The following INPP5A variants were observed in gnomAD, a reference collection of about 807,000 sequenced individuals.
INPP5A encodes the protein inositol polyphosphate-5-phosphatase A.
A neutral mutation model predicts 65.2 loss-of-function variants in INPP5A; 14 were observed. The observed-to-expected ratio is 0.21, with a 90% CI of 0.14 to 0.34. The LOEUF (loss-of-function observed/expected upper bound fraction) is 0.34, where lower values mean the gene tolerates loss of function less well. INPP5A is among the 10% of genes least tolerant of loss of function. The pLI is 1.00. For missense variants in INPP5A, 431 were observed against 545.6 expected (o/e 0.79, Z 2.09); for synonymous variants, 207 against 208.3 (o/e 0.99, Z 0.05).
chr10:132,634,822 A>T (rs999083767), intron 2 of INPP5A, among the ~76,000 whole-genome samples: 1 of 152,188 alleles, frequency 6.6e-6, no homozygotes, highest in African/African-American at 2.4e-5. Context: ...CTCGGCCGGC[A>T]GCCCTGCCTG....
intron 2 of INPP5A, among the ~76,000 whole-genome samples, chr10:132,609,047 TC>T (rs907984751): frequency 4.6e-5 from 7 of 151,950 alleles, no homozygotes; most frequent in African/African-American, 1.7e-4. Flanking sequence ...GGCATCCAAG[TC>T]CCCCCATAGG....
intron 9 of INPP5A, among the ~76,000 whole-genome samples, chr10:132,736,239 A>G (rs1046983504): frequency 2.0e-5 from 3 of 152,212 alleles, no homozygotes; most frequent in Non-Finnish European, 2.9e-5. Context: ...CGCGGTGGCA[A>G]CTGGCAGCTG....
intron 1 of INPP5A, among the ~76,000 whole-genome samples, chr10:132,553,828 T>C (rs1425123267): frequency 6.5e-5 from 9 of 137,522 alleles, no homozygotes; most frequent in Non-Finnish European, 1.2e-4. Context: ...TTGGGTAGGA[T>C]AGGGAGGGAG....
chr10:132,722,158 C>T (rs1175138844), intron 8 of INPP5A, among the ~76,000 whole-genome samples: 1 of 152,220 alleles, frequency 6.6e-6, no homozygotes, highest in East Asian at 1.9e-4. Flanking sequence ...GTTGTTTGAT[C>T]AGAGAATGTG....
chr10:132,667,612 C>G (rs1415774379), intron 4 of INPP5A, among the ~76,000 whole-genome samples: 1 of 152,212 alleles, frequency 6.6e-6, no homozygotes, highest in African/African-American at 2.4e-5. Flanking sequence ...TCCTCAATCC[C>G]TTGTGCAAAT....
At chr10:132,657,820 G>A (rs960666303) in intron 4 of INPP5A, among the ~76,000 whole-genome samples, 1 of 152,238 alleles carries the variant, frequency 6.6e-6, no homozygotes, top group Non-Finnish European at 1.5e-5. Context: ...CCTGGGGCTC[G>A]CTGCCTCCTC....
intron 1 of INPP5A, among the ~76,000 whole-genome samples, chr10:132,602,661 A>G (rs1006188221): frequency 6.6e-6 from 1 of 152,206 alleles, no homozygotes; most frequent in Non-Finnish European, 1.5e-5. Flanking sequence ...TAGTCTGTGA[A>G]CAGAGATAAT....
rs139775275 is a variant in INPP5A at position 132,649,930 on chromosome 10, G to A, written c.219-488G>A. ...TTCCCTCCTGTGTGGTTGCAAGGCCGTGGCAACTCAACCACCATTCTCGCT... is the reference window on the plus strand; with the variant it reads ...TTCCCTCCTGTGTGGTTGCAAGGCCATGGCAACTCAACCACCATTCTCGCT... On this transcript the variant is annotated intron_variant, in intron 3 of 15. Transcript: ENST00000368594. Among the ~76,000 whole-genome samples the A allele has an allele frequency of 4.9e-3, 740 of 152,304 alleles. 5 individuals are homozygous for A. The highest frequency in any genetic ancestry group is 0.017 in the African/African-American group (695 of 41,556).
In INPP5A at chr10:132,546,311, G is replaced by A. The variant is rs557248780; in HGVS notation, c.75+8140G>A. Among the ~76,000 whole-genome samples the A allele has an allele frequency of 2.0e-5, 3 of 152,308 alleles. No homozygotes were observed. Among genetic ancestry groups the A allele is most frequent in the East Asian group, 3.9e-4 (2 of 5,164 alleles). ...TGTTGGGAAAAGGCCCTCTGCTGCC[G>A]CTCCAGGTTCAGAAGATGCCGCTTC... On this transcript the variant is annotated intron_variant, in intron 1 of 15. Transcript: ENST00000368594. This position sits in a 1 kb window ranked among gnomAD's most constrained non-coding sequence, Gnocchi z 5.7.
In INPP5A at chr10:132,704,488, G is replaced by A. The variant is rs376898494; in HGVS notation, c.475-3825G>A. On this transcript the variant is annotated intron_variant, in intron 6 of 15. Coordinates refer to ENST00000368594, the MANE Select transcript of INPP5A (RefSeq NM_005539.5). The surrounding 1 kb of genome is among the most constrained non-coding windows in gnomAD (Gnocchi z 4.5). ...TGTGTGTTGGACGCCAGCCCGCGGC[G>A]GCTGCTGGTGCGCAGAGCCACCCCT... Among the ~76,000 whole-genome samples the A allele has an allele frequency of 4.7e-3, 712 of 152,336 alleles. 6 individuals carry two copies. The highest frequency in any genetic ancestry group is 0.02 in the South Asian group (95 of 4,830).
chr10:132,630,357 A>G (rs1320191484), intron 2 of INPP5A, among the ~76,000 whole-genome samples: 1 of 150,648 alleles, frequency 6.6e-6, no homozygotes, highest in African/African-American at 2.5e-5. Context: ...CATGAGGGAA[A>G]GACGTCCTTG....
rs1164931596 is a variant in INPP5A at position 132,659,675 on chromosome 10, A to G, written c.306+9170A>G. 6.6e-6 allele frequency among the ~76,000 whole-genome samples: 1 copy of G among 152,220 alleles called. No homozygotes were observed. ...AGAGGAGACCTCTGCACGCAGGCCC[A>G]CAGCAAGGGCCGGATCAGGAGAACA... On this transcript the variant is annotated intron_variant, in intron 4 of 15. Coordinates refer to ENST00000368594, the MANE Select transcript of INPP5A (RefSeq NM_005539.5). This position sits in a 1 kb window ranked among gnomAD's most constrained non-coding sequence, Gnocchi z 5.5.
At chr10:132,604,097 T>G (rs566365513) in intron 1 of INPP5A, among the ~76,000 whole-genome samples, 2 of 144,214 alleles carry the variant, frequency 1.4e-5, no homozygotes, top group African/African-American at 5.2e-5. Context: ...TCCCGCCCTG[T>G]GCTGTCAGGG....
At chr10:132,714,103 G>A (rs531202842) in intron 8 of INPP5A, among the ~76,000 whole-genome samples, 1 of 152,302 alleles carries the variant, frequency 6.6e-6, no homozygotes, top group South Asian at 2.1e-4. Flanking sequence ...TGGTGACAGC[G>A]GTTAGGTTGT....
chr10:132,781,451 G>A (rs933140617), intron 14 of INPP5A, among the ~76,000 whole-genome samples: 5 of 152,226 alleles, frequency 3.3e-5, no homozygotes, highest in African/African-American at 1.2e-4. Context: ...CTTCCACGTT[G>A]GAGGCCCAGA....
chr10:132,556,650 A>G (rs1434188008), intron 1 of INPP5A, among the ~76,000 whole-genome samples: 1 of 152,232 alleles, frequency 6.6e-6, no homozygotes, highest in Non-Finnish European at 1.5e-5. Context: ...AGAGTCCCTG[A>G]TATTCCACAT....
At chr10:132,673,341 G>T (rs1170536293) in intron 4 of INPP5A, among the ~76,000 whole-genome samples, 2 of 152,172 alleles carry the variant, frequency 1.3e-5, no homozygotes, top group Non-Finnish European at 2.9e-5. Flanking sequence ...TAGGGGTGAT[G>T]GTGAGTGGTG....
chr10:132,620,757 C>G (rs985208339), intron 2 of INPP5A, among the ~76,000 whole-genome samples: 1 of 152,236 alleles, frequency 6.6e-6, no homozygotes, highest in Non-Finnish European at 1.5e-5. Flanking sequence ...CCCTCCCAGC[C>G]CAGATGGCTT....
intron 1 of INPP5A, among the ~76,000 whole-genome samples, chr10:132,606,839 G>C (rs956092599): frequency 6.6e-6 from 1 of 152,190 alleles, no homozygotes; most frequent in Non-Finnish European, 1.5e-5. Flanking sequence ...TTTTAATCGC[G>C]GCAAAAACCC....
Sources: gnomAD v4.1 joint callset for allele counts (sites outside exome capture counted in the v4.1 genomes callset) on GRCh38, gnomAD v4.1.1 for gene constraint, Gnocchi (gnomAD v3.1) non-coding constraint, MANE v1.5 for transcripts, NCBI Gene and HGNC (gene_info 2026-07-23, HGNC 2026-07-21) for gene names.